PXDC1: variants seen among roughly 807,000 people sequenced by gnomAD.
The protein encoded by PXDC1 is PX domain containing 1.
PXDC1 carries 13 observed loss-of-function variants against 24.4 expected under a neutral mutation model. That is an observed-to-expected ratio of 0.53 (90% CI 0.35 to 0.85). The LOEUF is 0.85. Among genes scored for constraint, PXDC1 ranks in the 40% least tolerant of loss-of-function variants. PXDC1 has a pLI of 0.01. For missense variants in PXDC1, 344 were observed against 309.3 expected (o/e 1.11, Z -0.84); for synonymous variants, 162 against 124.9 (o/e 1.30, Z -1.98).
chr6:3,738,721 G>A, intron 1 of PXDC1: 2 of 1,211,748 alleles, frequency 1.7e-6, no homozygotes, highest in Non-Finnish European at 2.2e-6. Flanking sequence ...CCAGGAATCT[G>A]GGCCTCTGTG....
intron 1 of PXDC1, among the ~76,000 whole-genome samples, chr6:3,743,322 G>A (rs1043506289): frequency 2.0e-5 from 3 of 152,092 alleles, no homozygotes; most frequent in Admixed American, 6.5e-5. Flanking sequence ...CACAACAGTC[G>A]GCCCCGGGGA....
In PXDC1 at chr6:3,725,471, GA is replaced by G. The variant is rs1005797512; in HGVS notation, c.579-1736del. ...TCTCTATCAGATACATCCATTCCCT[GA>G]GTGCAGGTGGGTCTCTGGGCCCTGG... On this transcript the variant is annotated intron_variant, in intron 4 of 4. Transcript: ENST00000380283. This position sits in a 1 kb window ranked among gnomAD's most constrained non-coding sequence, Gnocchi z 4.8. 2.4e-4 allele frequency among the ~76,000 whole-genome samples: 37 copies of G among 152,228 alleles called. No individual in the cohort carries two copies. The highest frequency in any genetic ancestry group is 4.3e-4 in the Non-Finnish European group (29 of 68,044).
At chr6:3,732,718 C>T (rs1165609226) in intron 3 of PXDC1, among the ~76,000 whole-genome samples, 2 of 152,318 alleles carry the variant, frequency 1.3e-5, no homozygotes, top group African/African-American at 2.4e-5. Flanking sequence ...CTGCTAGCGC[C>T]GGGCGCCATC....
intron 1 of PXDC1, among the ~76,000 whole-genome samples, chr6:3,742,307 A>G (rs1760465589): frequency 6.6e-6 from 1 of 152,230 alleles, no homozygotes; most frequent in Admixed American, 6.5e-5. Context: ...CCTGTTTACC[A>G]TAAGCAACGA....
chr6:3,736,942 T>C (rs1018870978), intron 3 of PXDC1, 137 bp downstream of exon 3: 2 of 706,964 alleles, frequency 2.8e-6, no homozygotes, highest in Admixed American at 2.0e-5. Context: ...AGTCTCTCCC[T>C]GTACATTCGC....
rs1274821419 is a variant in PXDC1, at chr6:3,723,539, G to GT, written c.*79dup. 1.8e-6 allele frequency: 2 copies of GT among 1,116,466 alleles called. No individual in the cohort carries two copies. Among genetic ancestry groups the GT allele is most frequent in the Non-Finnish European group, 2.7e-6 (2 of 736,970 alleles). The allele number at this position is 1,116,466 out of a possible 1,614,324, so 69.2% of individuals were successfully genotyped here. A position where few individuals can be genotyped will look rare whatever the true frequency, so the allele number is the denominator to read the frequency against. ...GAGTTCCAGAGCTGGGGCAGCAGCT[G>GT]TGACCATGGGGGCCAGCACAGTGGA... On this transcript the variant is annotated 3_prime_UTR_variant, in exon 5 of 5. Coordinates refer to ENST00000380283, the MANE Select transcript of PXDC1 (RefSeq NM_183373.4).
intron 1 of PXDC1, among the ~76,000 whole-genome samples, chr6:3,743,396 C>T (rs1349669254): frequency 6.6e-6 from 1 of 152,038 alleles, no homozygotes; most frequent in Non-Finnish European, 1.5e-5. Flanking sequence ...ATATTGTTTC[C>T]TTTCCATTTA....
chr6:3,733,054 G>C (rs1359344854), intron 3 of PXDC1, among the ~76,000 whole-genome samples: 1 of 152,222 alleles, frequency 6.6e-6, no homozygotes. Context: ...AACATCAAAA[G>C]GCTAGCGTGG....
At chr6:3,748,106 T>C (rs1277974049) in intron 1 of PXDC1, among the ~76,000 whole-genome samples, 3 of 152,138 alleles carry the variant, frequency 2.0e-5, no homozygotes, top group African/African-American at 7.2e-5. Context: ...TTTTAAAGCA[T>C]AAACCTTCCT....
Position 3,737,237 on chromosome 6 carries a change from TAC to T in PXDC1, c.349-43_349-42del. On this transcript the variant is annotated intron_variant, in intron 2 of 4. Coordinates refer to ENST00000380283, the MANE Select transcript of PXDC1 (RefSeq NM_183373.4). The surrounding 1 kb of genome is among the most constrained non-coding windows in gnomAD (Gnocchi z 5.5). ...GGGATTACTAAAAACGATCAGCCTC[TAC>T]ACGTTGGCCCTGTCTGTCTACCAAG... 1 of 1,410,672 alleles carries T rather than the reference TAC, an allele frequency of 7.1e-7. No individual in the cohort carries two copies. The highest frequency in any genetic ancestry group is 1.0e-6 in the Non-Finnish European group (1 of 995,360). The allele number at this position is 1,410,672 out of a possible 1,614,324, so 87.4% of individuals were successfully genotyped here.
intron 4 of PXDC1, 102 bp from the exon 5 acceptor site, chr6:3,723,838 T>G: frequency 1.1e-6 from 1 of 880,626 alleles, no homozygotes; most frequent in Middle Eastern, 2.2e-4. Context: ...CGCTAGTAAG[T>G]GTGCAAAAAA....
In PXDC1 at chr6:3,745,903, T is replaced by C. The variant is rs116278079; in HGVS notation, c.256+5373A>G. Among the ~76,000 whole-genome samples, 740 of 152,302 alleles carry C rather than the reference T, an allele frequency of 4.9e-3. 6 individuals carry two copies. Among genetic ancestry groups the C allele is most frequent in the African/African-American group, 0.017 (696 of 41,556 alleles). On this transcript the variant is annotated intron_variant, in intron 1 of 4. Transcript: ENST00000380283. Reference sequence around the variant, plus strand: ...AACAATGGGAAGAAACCCTTGCAGGTGTAAGTTGGCAAAAGAGTTACGTGG... The same window carrying C: ...AACAATGGGAAGAAACCCTTGCAGGCGTAAGTTGGCAAAAGAGTTACGTGG...
intron 1 of PXDC1, among the ~76,000 whole-genome samples, chr6:3,741,723 C>T (rs534144481): frequency 1.4e-4 from 21 of 152,350 alleles, no homozygotes; most frequent in Middle Eastern, 3.4e-3. Flanking sequence ...GCGACAAGAA[C>T]GCAGCGCGGG....
intron 1 of PXDC1, 70 bp downstream of exon 1, chr6:3,751,206 T>G (rs954503794): frequency 9.1e-6 from 11 of 1,211,400 alleles, no homozygotes; most frequent in Non-Finnish European, 1.2e-5. Flanking sequence ...TTGAAGTCTC[T>G]TCCCCGCCTC....
intron 4 of PXDC1, among the ~76,000 whole-genome samples, chr6:3,726,814 G>A (rs748322182): frequency 2.0e-4 from 31 of 152,232 alleles, no homozygotes; most frequent in African/African-American, 2.7e-4. Context: ...ACTCTCAAGC[G>A]GGATGTTTTA....
rs758010734 is a variant in PXDC1, at chr6:3,751,539, G to A, written c.-8C>T. ...AAACACCGCCGAGGCCATGTCGCAC[G>A]CATGCCCCCGCCAAGGGCTCCCCAG... On this transcript the variant is annotated 5_prime_UTR_variant, in exon 1 of 5. Transcript: ENST00000380283. 8 of 1,559,350 alleles carry A rather than the reference G, an allele frequency of 5.1e-6. No individual in the cohort carries two copies. In the East Asian group the frequency reaches 2.0e-4, roughly 38 times the overall value.
intron 1 of PXDC1, among the ~76,000 whole-genome samples, chr6:3,741,882 C>T (rs906288511): frequency 6.6e-6 from 1 of 151,978 alleles, no homozygotes; most frequent in African/African-American, 2.4e-5. Flanking sequence ...ATACACCAAA[C>T]GGATGGGTGT....
chr6:3,735,787 T>C (rs1479041602), intron 3 of PXDC1, among the ~76,000 whole-genome samples: 1 of 152,186 alleles, frequency 6.6e-6, no homozygotes, highest in Non-Finnish European at 1.5e-5. Context: ...AAGATGAATG[T>C]TTGAGATAAT....
rs968652203 is a variant in PXDC1, at chr6:3,725,972, G to A, written c.578+1579C>T. Among the ~76,000 whole-genome samples the A allele has an allele frequency of 8.3e-6, 1 of 120,374 alleles. No homozygotes were observed. Among genetic ancestry groups the A allele is most frequent in the Admixed American group, 7.4e-5 (1 of 13,524 alleles). 79.0% of individuals were successfully genotyped at this position (120,374 alleles called of 152,430 possible). ...CCTATTCAAGACCTGTCACTCCTGT[G>A]CACATGCAGTCAGTCCCGGGCAGCT... On this transcript the variant is annotated intron_variant, in intron 4 of 4. Transcript: ENST00000380283. The surrounding 1 kb of genome is among the most constrained non-coding windows in gnomAD (Gnocchi z 4.8).
Sources: gnomAD v4.1 joint callset for allele counts (sites outside exome capture counted in the v4.1 genomes callset) on GRCh38, gnomAD v4.1.1 for gene constraint, Gnocchi (gnomAD v3.1) non-coding constraint, MANE v1.5 for transcripts, NCBI Gene and HGNC (gene_info 2026-07-23, HGNC 2026-07-21) for gene names.